The following PPHLN1 variants were observed in gnomAD, a reference collection of about 807,000 sequenced individuals.
PPHLN1 encodes the protein periphilin 1.
PPHLN1 carries 29 observed loss-of-function variants against 51.3 expected under a neutral mutation model. The ratio of observed to expected loss-of-function variants is 0.57; its 90% confidence interval spans 0.42 to 0.77. PPHLN1 has a LOEUF of 0.77. Ranked by LOEUF, PPHLN1 falls within the 30% of genes least tolerant of loss-of-function variation. The pLI, the probability that PPHLN1 is intolerant of heterozygous loss-of-function variation, is 0.00. For synonymous variants in PPHLN1, 147 were observed against 147.8 expected, an observed-to-expected ratio of 0.99 and a Z score of 0.04; for missense variants, 436 against 438.4, an observed-to-expected ratio of 0.99 and a Z score of 0.05.
At chr12:42,442,950 G>A (rs1266067386), downstream of PPHLN1, 3 of 688,774 alleles carry the variant, frequency 4.4e-6, no homozygotes, top group Non-Finnish European at 4.5e-6. Context: ...GTCCCCAGAA[G>A]AAGGCACGCT....
chr12:42,431,076 A>G (rs2081996514), intron 9 of PPHLN1, among the ~76,000 whole-genome samples: 1 of 152,174 alleles, frequency 6.6e-6, no homozygotes, highest in Non-Finnish European at 1.5e-5. Context: ...AACCAAACAA[A>G]CCCTCAAGGT....
chr12:42,403,922 T>C (rs191126980), intron 9 of PPHLN1, among the ~76,000 whole-genome samples: 163 of 152,326 alleles, frequency 1.1e-3, no homozygotes, highest in African/African-American at 3.8e-3. Context: ...AATTTTGTTT[T>C]CTTAGGTCAA....
chr12:42,374,225 T>A (rs1314665959), intron 4 of PPHLN1, among the ~76,000 whole-genome samples: 1 of 152,210 alleles, frequency 6.6e-6, no homozygotes, highest in African/African-American at 2.4e-5. Context: ...GGTGTATTGT[T>A]AATGGCAAAG....
In PPHLN1 at chr12:42,422,793, G is replaced by T. The variant is rs184569733; in HGVS notation, c.910-18522G>T. Among the ~76,000 whole-genome samples, 313 of 152,292 alleles carry T rather than the reference G, an allele frequency of 2.1e-3. 1 individual carries two copies. The highest frequency in any genetic ancestry group is 7.2e-3 in the African/African-American group (298 of 41,570). The stretch of plus-strand genomic sequence containing the variant: ...CTAATAAATAGAAATACTGAGTTGT[G>T]TTCCTTAATACTGGCTTACCCCAAA... On this transcript the variant is annotated intron_variant, in intron 9 of 9. Transcript: ENST00000358314.
chr12:42,329,805 G>A, intron 1 of PPHLN1: 1 of 152,202 alleles, frequency 6.6e-6, no homozygotes, highest in Non-Finnish European at 1.5e-5. Flanking sequence ...CTCCACACCT[G>A]TGGGTGTTTC....
At chr12:42,345,987 T>C (rs1321587743) in intron 2 of PPHLN1, among the ~76,000 whole-genome samples, 1 of 152,168 alleles carries the variant, frequency 6.6e-6, no homozygotes, top group East Asian at 1.9e-4. Context: ...GGGATACATA[T>C]AGATGCAGGT....
downstream of PPHLN1, chr12:42,444,855 C>CT: frequency 1.7e-6 from 1 of 579,968 alleles, no homozygotes; most frequent in Non-Finnish European, 3.1e-6. Context: ...CGCTGTAATG[C>CT]TTTTTACCGA....
intron 4 of PPHLN1, among the ~76,000 whole-genome samples, chr12:42,367,311 G>A (rs1221841154): frequency 6.6e-6 from 1 of 152,056 alleles, no homozygotes; most frequent in African/African-American, 2.4e-5. Flanking sequence ...TGCACATGAT[G>A]TTAGTTTTAC....
chr12:42,329,209 C>A lies in PPHLN1; in HGVS notation c.-21+2980C>A, dbSNP rs534522240. Among the ~76,000 whole-genome samples the A allele has an allele frequency of 1.4e-4, 22 of 151,842 alleles. 1 individual carries two copies. In the East Asian group the frequency reaches 3.9e-3, roughly 27 times the overall value. ...CTCCCCCTCCCGGGTTCATGCCATT[C>A]TCCTGCCTCAGCCTTCCGAGTAGCT... On this transcript the variant is annotated intron_variant, in intron 1 of 9. Coordinates refer to ENST00000358314, the MANE Select transcript of PPHLN1 (RefSeq NM_201439.2).
chr12:42,421,655 A>G (rs980836636), intron 9 of PPHLN1, among the ~76,000 whole-genome samples: 22 of 152,184 alleles, frequency 1.4e-4, no homozygotes, highest in Admixed American at 2.6e-4. Flanking sequence ...GCTGTGACAA[A>G]TATCTTAAAC....
chr12:42,377,301 CTTTTTTTT>C (rs11297368), intron 5 of PPHLN1, among the ~76,000 whole-genome samples: 14 of 105,000 alleles, frequency 1.3e-4, no homozygotes, highest in East Asian at 1.0e-3. Flanking sequence ...TTTTTTCTTT[CTTTTTTTT>C]TTTTTTTTTT....
intron 9 of PPHLN1, among the ~76,000 whole-genome samples, chr12:42,423,016 G>A (rs1350764051): frequency 6.6e-6 from 1 of 152,182 alleles, no homozygotes; most frequent in Non-Finnish European, 1.5e-5. Context: ...ACTAGTTGAT[G>A]TAATAATGAC....
rs760883280 is a variant in PPHLN1 at position 42,441,360 on chromosome 12, C to T, written c.955C>T (p.Leu319=). ...AACTTTCGGGATGGTGGTGAAAATG[C>T]TGATTGAAAAAGATCCTTCATTAGA... ...CETFGMVVKM[L]IEKDPSLEKS... The change falls in exon 10 of 10, where the codon CTG becomes TTG. Residue 319 remains leucine (L), a synonymous_variant. Coordinates refer to ENST00000358314, the MANE Select transcript of PPHLN1 (RefSeq NM_201439.2). 2.5e-6 allele frequency: 4 copies of T among 1,613,196 alleles called. No individual in the cohort carries two copies. In the Admixed American group the frequency reaches 6.7e-5, roughly 27 times the overall value.
intron 1 of PPHLN1, among the ~76,000 whole-genome samples, chr12:42,329,637 C>G (rs1266772780): frequency 2.0e-5 from 3 of 151,910 alleles, no homozygotes; most frequent in Admixed American, 6.6e-5. Context: ...TAGTGAGGGA[C>G]TAATGTGTAT....
At chr12:42,406,086 GTT>G (rs56927510) in intron 9 of PPHLN1, among the ~76,000 whole-genome samples, 1 of 135,206 alleles carries the variant, frequency 7.4e-6, no homozygotes. Context: ...GTTTAGTCTG[GTT>G]TTTTTTTTTT....
At chr12:42,331,309 AGAGTT>A (rs2069696638) in intron 1 of PPHLN1, among the ~76,000 whole-genome samples, 2 of 152,268 alleles carry the variant, frequency 1.3e-5, no homozygotes, top group African/African-American at 4.8e-5. Context: ...ATTGGAATGC[AGAGTT>A]ACTATAGCCT....
intron 9 of PPHLN1, among the ~76,000 whole-genome samples, chr12:42,414,242 C>T (rs1009883348): frequency 4.6e-5 from 7 of 152,018 alleles, no homozygotes; most frequent in African/African-American, 1.7e-4. Flanking sequence ...ACCACGTTGG[C>T]CAGGCTGGTC....
intron 4 of PPHLN1, among the ~76,000 whole-genome samples, chr12:42,361,891 A>G (rs1441249457): frequency 1.3e-5 from 2 of 152,160 alleles, no homozygotes; most frequent in Non-Finnish European, 2.9e-5. Context: ...TTGGGTACAT[A>G]TGTAAGAGTG....
At chr12:42,337,071 C>G (rs975726696) in intron 2 of PPHLN1, among the ~76,000 whole-genome samples, 3 of 151,994 alleles carry the variant, frequency 2.0e-5, no homozygotes, top group African/African-American at 7.2e-5. Flanking sequence ...TCATTTATTT[C>G]CAGGTGAATT....
Sources: gnomAD v4.1 joint callset for allele counts (sites outside exome capture counted in the v4.1 genomes callset) on GRCh38, gnomAD v4.1.1 for gene constraint, MANE v1.5 for transcripts, NCBI Gene and HGNC (gene_info 2026-07-23, HGNC 2026-07-21) for gene names.